RBFOX1: variants seen among roughly 807,000 people sequenced by gnomAD.
RBFOX1 encodes the protein RNA binding fox-1 homolog 1.
In RBFOX1, 8 loss-of-function variants were observed where a neutral mutation model predicts 57.7. The ratio of observed to expected loss-of-function variants is 0.14; its 90% CI spans 0.08 to 0.25. The LOEUF (loss-of-function observed/expected upper bound fraction) is 0.25. Ranked by LOEUF, RBFOX1 falls within the 10% of genes least tolerant of loss-of-function variation. The pLI, the probability that RBFOX1 is intolerant of heterozygous loss-of-function variation, is 1.00. For missense variants in RBFOX1, 611 were observed against 548.5 expected, an observed-to-expected ratio of 1.11 and a Z score of -1.14; for synonymous variants, 326 against 222.4, an observed-to-expected ratio of 1.47 and a Z score of -4.15.
intron 2 of RBFOX1, among the ~76,000 whole-genome samples, chr16:6,437,604 G>A (rs2094272779): frequency 6.6e-6 from 1 of 152,178 alleles, no homozygotes; most frequent in African/African-American, 2.4e-5. Flanking sequence ...AGAACTACCT[G>A]AGACTGTGTA....
Position 7,462,328 on chromosome 16 carries a change from C to T in RBFOX1, c.28-55819C>T, listed in dbSNP as rs913971438. On this transcript the variant is annotated intron_variant, in intron 4 of 15. Coordinates refer to ENST00000550418, the MANE Select transcript of RBFOX1 (RefSeq NM_018723.4). ...TGGCCAATATGGTGAAACCTCATCT[C>T]TACTAAAAACACAAAAATTTGCCTG... Among the ~76,000 whole-genome samples, 28 of 152,292 alleles carry T rather than the reference C, an allele frequency of 1.8e-4. 1 individual carries two copies. Among genetic ancestry groups the T allele is most frequent in the African/African-American group, 6.5e-4 (27 of 41,572 alleles).
At chr16:5,921,475 C>G (rs575507342) in intron 4 of RBFOX1, among the ~76,000 whole-genome samples, 23 of 152,250 alleles carry the variant, frequency 1.5e-4, no homozygotes, top group African/African-American at 5.3e-4. Context: ...TCTTATCTGA[C>G]TTGACTGAGA....
At chr16:7,141,629 A>C (rs967854876) in intron 4 of RBFOX1, among the ~76,000 whole-genome samples, 1 of 152,178 alleles carries the variant, frequency 6.6e-6, no homozygotes, top group Non-Finnish European at 1.5e-5. Flanking sequence ...TATTAATGCC[A>C]TTTGTAGTTT....
At chr16:7,601,765 G>C (rs960840055) in intron 9 of RBFOX1, among the ~76,000 whole-genome samples, 2 of 151,930 alleles carry the variant, frequency 1.3e-5, no homozygotes, top group Non-Finnish European at 2.9e-5. Context: ...CCTCTAATAA[G>C]TCTGTCTGTG....
chr16:7,608,526 C>G (rs1568070133), intron 10 of RBFOX1, among the ~76,000 whole-genome samples: 1 of 152,180 alleles, frequency 6.6e-6, no homozygotes, highest in African/African-American at 2.4e-5. Context: ...GGGGAAGAGA[C>G]TTAGCCGTCA....
rs1358401015 is a variant in RBFOX1, at chr16:7,019,044, T to C, written c.-15-33013T>C. 2.6e-5 allele frequency among the ~76,000 whole-genome samples: 4 copies of C among 152,064 alleles called. No individual in the cohort carries two copies. The East Asian group carries it at 7.7e-4, about 29-fold the overall frequency. On this transcript the variant is annotated intron_variant, in intron 3 of 15. Transcript: ENST00000550418. ...GTTCAGAACTGAAAAAAACTGTTCC[T>C]GGTTTCCTAGTTTTTAGAAGTGTGT...
chr16:7,700,236 C>T (rs2080222732), intron 14 of RBFOX1, among the ~76,000 whole-genome samples: 2 of 152,288 alleles, frequency 1.3e-5, no homozygotes, highest in African/African-American at 4.8e-5. Flanking sequence ...GAGGCAATAG[C>T]TGCAGTCCTC....
At chr16:6,111,994 G>C (rs2035593) in intron 1 of RBFOX1, among the ~76,000 whole-genome samples, 105,540 of 151,930 alleles carry the variant, frequency 0.69, 37,886 homozygotes, top group African/African-American at 0.88. Context: ...AACTTAATCT[G>C]TCTCATTTTC....
At chr16:5,260,944 G>C (rs1460685044) in intron 1 of RBFOX1, 1 of 152,216 alleles carries the variant, frequency 6.6e-6, no homozygotes, top group Non-Finnish European at 1.5e-5. Flanking sequence ...TGTACATTTA[G>C]TTGCCTTCCC....
intron 3 of RBFOX1, among the ~76,000 whole-genome samples, chr16:6,701,994 C>G (rs1426840423): frequency 6.6e-6 from 1 of 152,092 alleles, no homozygotes; most frequent in Non-Finnish European, 1.5e-5. Context: ...CTGTTGGGTA[C>G]TATGCTTATT....
At chr16:5,702,229 T>C (rs1445542367) in intron 3 of RBFOX1, among the ~76,000 whole-genome samples, 1 of 152,252 alleles carries the variant, frequency 6.6e-6, no homozygotes, top group Non-Finnish European at 1.5e-5. Flanking sequence ...CTCAGGAAAC[T>C]TACAATTATA....
At chr16:7,039,094 C>G (rs550267474) in intron 3 of RBFOX1, among the ~76,000 whole-genome samples, 140 of 152,210 alleles carry the variant, frequency 9.2e-4, no homozygotes, top group African/African-American at 3.3e-3. Context: ...GAGATAGCAC[C>G]CCATAGGTCA....
chr16:5,792,830 C>T (rs893479327), intron 3 of RBFOX1, among the ~76,000 whole-genome samples: 14 of 151,632 alleles, frequency 9.2e-5, no homozygotes, highest in Admixed American at 7.9e-4. Flanking sequence ...GCAACAAGAG[C>T]GAGACTCCAT....
chr16:6,764,718 C>G (rs1032182803), intron 3 of RBFOX1, among the ~76,000 whole-genome samples: 3 of 152,146 alleles, frequency 2.0e-5, no homozygotes, highest in African/African-American at 4.8e-5. Context: ...GGGTAGGTCA[C>G]TTGAGGTCAG....
chr16:5,784,382 G>A (rs1437922363), intron 3 of RBFOX1, among the ~76,000 whole-genome samples: 10 of 151,930 alleles, frequency 6.6e-5, no homozygotes, highest in East Asian at 1.9e-4. Context: ...AGCCGAGATC[G>A]CACCACTGCA....
intron 4 of RBFOX1, among the ~76,000 whole-genome samples, chr16:7,371,247 G>T (rs1413640612): frequency 6.6e-6 from 1 of 152,114 alleles, no homozygotes; most frequent in Non-Finnish European, 1.5e-5. Context: ...GAATCAAGAA[G>T]TAAACAAATG....
intron 1 of RBFOX1, among the ~76,000 whole-genome samples, chr16:6,155,038 T>C (rs1290208057): frequency 6.6e-6 from 1 of 152,240 alleles, no homozygotes; most frequent in Non-Finnish European, 1.5e-5. Flanking sequence ...ATTATATAAA[T>C]TTTTATTGGA....
intron 3 of RBFOX1, among the ~76,000 whole-genome samples, chr16:6,786,567 C>G (rs899053546): frequency 6.6e-6 from 1 of 152,058 alleles, no homozygotes; most frequent in Non-Finnish European, 1.5e-5. Context: ...GCCAAAAAAC[C>G]TCTCCAAAAA....
At chr16:5,511,735 C>T (rs797006984) in intron 2 of RBFOX1, among the ~76,000 whole-genome samples, 1 of 152,294 alleles carries the variant, frequency 6.6e-6, no homozygotes. Context: ...CCATGTTGGC[C>T]TGATTCCAGC....
Sources: gnomAD v4.1 joint callset for allele counts (sites outside exome capture counted in the v4.1 genomes callset) on GRCh38, gnomAD v4.1.1 for gene constraint, MANE v1.5 for transcripts, NCBI Gene and HGNC (gene_info 2026-07-23, HGNC 2026-07-21) for gene names.